CFAP20DC: variants seen among roughly 807,000 people sequenced by gnomAD.
The protein encoded by CFAP20DC is CFAP20 domain containing, also known as protein CFAP20DC.
In CFAP20DC, 84 loss-of-function variants were observed where a neutral mutation model predicts 101.7. That is an observed-to-expected ratio of 0.83 (90% CI 0.69 to 0.99). The LOEUF (loss-of-function observed/expected upper bound fraction) is 0.99. Ranked by LOEUF, CFAP20DC falls within the 50% of genes least tolerant of loss-of-function variation. CFAP20DC has a pLI of 0.00. For synonymous variants in CFAP20DC, 359 were observed against 351.2 expected (o/e 1.02, Z -0.25); for missense variants, 1,007 against 970.3 (o/e 1.04, Z -0.50).
At chr3:58,731,584 G>A (rs1247169375) in intron 3 of CFAP20DC, among the ~76,000 whole-genome samples, 2 of 152,184 alleles carry the variant, frequency 1.3e-5, no homozygotes, top group Admixed American at 1.3e-4. Context: ...TGCATGCCAC[G>A]TCTAATGTTT....
rs2079512627 is a variant in CFAP20DC at position 58,864,433 on chromosome 3, T to G, written c.1259-541A>C. ...AACTCATTTGCACTTCCTCTCCATT[T>G]GAGTTGAAACACTGACCAGGAAATT... On this transcript the variant is annotated intron_variant, in intron 11 of 16. Transcript: ENST00000482387. The surrounding 1 kb of genome is among the most constrained non-coding windows in gnomAD (Gnocchi z 4.7). 6.6e-6 allele frequency among the ~76,000 whole-genome samples: 1 copy of G among 152,216 alleles called. No individual in the cohort carries two copies. Among genetic ancestry groups the G allele is most frequent in the African/African-American group, 2.4e-5 (1 of 41,460 alleles).
intron 13 of CFAP20DC, among the ~76,000 whole-genome samples, chr3:58,845,182 T>C (rs2077512460): frequency 6.7e-6 from 1 of 149,996 alleles, no homozygotes; most frequent in Non-Finnish European, 1.5e-5. Flanking sequence ...CTGAAGGAAA[T>C]AGAGACACAA....
At chr3:58,792,381 T>G (rs561159332) in intron 15 of CFAP20DC, among the ~76,000 whole-genome samples, 42 of 152,230 alleles carry the variant, frequency 2.8e-4, no homozygotes, top group African/African-American at 9.9e-4. Flanking sequence ...ATTGGTGAAT[T>G]GGGAGAAGAG....
At chr3:58,833,542 G>A (rs2076539338) in intron 13 of CFAP20DC, among the ~76,000 whole-genome samples, 1 of 152,064 alleles carries the variant, frequency 6.6e-6, no homozygotes, top group East Asian at 1.9e-4. Flanking sequence ...ACACCCATTA[G>A]GATGGTTACA....
rs1361787419 is a variant in CFAP20DC at position 58,742,454 on chromosome 3, G to A, written c.*6C>T. 6.3e-7 allele frequency: 1 copy of A among 1,590,946 alleles called. No homozygotes were observed. The highest frequency in any genetic ancestry group is 8.6e-7 in the Non-Finnish European group (1 of 1,168,484). Reference sequence around the variant, plus strand: ...GAGTGCCTGCTCTCTGCCCCGGAAGGAGGCATTATACCAACTCATAGTATT... The same window carrying A: ...GAGTGCCTGCTCTCTGCCCCGGAAGAAGGCATTATACCAACTCATAGTATT... On this transcript the variant is annotated 3_prime_UTR_variant, in exon 17 of 17. Coordinates refer to ENST00000482387, the MANE Select transcript of CFAP20DC (RefSeq NM_001394063.1).
At chr3:58,844,757 G>T (rs1424146814) in intron 13 of CFAP20DC, among the ~76,000 whole-genome samples, 4 of 133,416 alleles carry the variant, frequency 3.0e-5, no homozygotes, top group East Asian at 2.4e-4. Flanking sequence ...ACCACATACT[G>T]GGAAGTAAAG....
intron 7 of CFAP20DC, among the ~76,000 whole-genome samples, chr3:58,872,930 T>C (rs2080362774): frequency 1.3e-5 from 2 of 149,726 alleles, no homozygotes; most frequent in African/African-American, 5.0e-5. Context: ...TTCTGGATAC[T>C]GTCAGGCAGG....
intron 4 of CFAP20DC, among the ~76,000 whole-genome samples, chr3:58,995,290 C>T (rs1171338106): frequency 9.2e-5 from 14 of 151,378 alleles, no homozygotes; most frequent in African/African-American, 3.2e-4. Flanking sequence ...TCTCCTGCAA[C>T]TGAAAAATTC....
chr3:58,843,165 A>G (rs1446754147), intron 13 of CFAP20DC, among the ~76,000 whole-genome samples: 1 of 152,218 alleles, frequency 6.6e-6, no homozygotes, highest in Non-Finnish European at 1.5e-5. Flanking sequence ...TGGATGGAGA[A>G]TGACTTTGAT....
rs1338392616 is a variant in CFAP20DC at position 58,795,734 on chromosome 3, T to C, written c.2237+10661A>G. Among the ~76,000 whole-genome samples, 2 of 152,170 alleles carry C rather than the reference T, an allele frequency of 1.3e-5. No individual in the cohort carries two copies. Among genetic ancestry groups the C allele is most frequent in the Non-Finnish European group, 2.9e-5 (2 of 68,004 alleles). ...TGGGAGGTGAGGGGAGAAGATGTGA[T>C]CTATTGTTCTGAAACTCCTAGGGGA... On this transcript the variant is annotated intron_variant, in intron 15 of 16. Coordinates refer to ENST00000482387, the MANE Select transcript of CFAP20DC (RefSeq NM_001394063.1). The surrounding 1 kb of genome is among the most constrained non-coding windows in gnomAD (Gnocchi z 4.2).
intron 14 of CFAP20DC, among the ~76,000 whole-genome samples, chr3:58,826,468 C>T (rs1343472928): frequency 2.6e-5 from 4 of 152,128 alleles, no homozygotes; most frequent in Non-Finnish European, 5.9e-5. Flanking sequence ...CCCCTACACT[C>T]CGACGGGCAC....
intron 4 of CFAP20DC, among the ~76,000 whole-genome samples, chr3:59,028,893 C>G (rs1425059479): frequency 6.6e-6 from 1 of 152,146 alleles, no homozygotes; most frequent in Non-Finnish European, 1.5e-5. Flanking sequence ...AGTATTATTA[C>G]TCTCACCCCA....
rs1321780878 is a variant in CFAP20DC at position 58,729,323 on chromosome 3, GATTT to G, written c.198-11699_198-11696del. ...TTTAAAATTAATTAGATTTTTATTAGATTTATTTCTAGGTATTTGATGTTCTTTG... is the reference window on the plus strand; with the variant it reads ...TTTAAAATTAATTAGATTTTTATTAGATTTCTAGGTATTTGATGTTCTTTG... On this transcript the variant is annotated intron_variant, in intron 3 of 3. Coordinates refer to the CFAP20DC transcript ENST00000486145. The surrounding 1 kb of genome is among the most constrained non-coding windows in gnomAD (Gnocchi z 4.4). 6.6e-6 allele frequency among the ~76,000 whole-genome samples: 1 copy of G among 152,048 alleles called. No individual in the cohort carries two copies. Among genetic ancestry groups the G allele is most frequent in the African/African-American group, 2.4e-5 (1 of 41,404 alleles).
chr3:58,762,551 T>C (rs528628649), intron 15 of CFAP20DC, among the ~76,000 whole-genome samples: 3,825 of 152,244 alleles, frequency 0.025, 162 homozygotes, highest in African/African-American at 0.085. Flanking sequence ...AAGGTTAATA[T>C]TGTTATGTGT....
At position 58,728,134 on chromosome 3, in the gene CFAP20DC, T is replaced by G. The variant is rs748384189; in HGVS notation, c.198-10506A>C. 1.3e-5 allele frequency: 2 copies of G among 152,218 alleles called. No homozygotes were observed. Among genetic ancestry groups the G allele is most frequent in the Non-Finnish European group, 2.9e-5 (2 of 68,030 alleles). 9.4% of individuals were successfully genotyped at this position (152,218 alleles called of 1,614,324 possible). ...GCATGGTATTGCATTTTGGTGAGCA[T>G]GTGCTGCATAAACAGAAAGTAGAAA... On this transcript the variant is annotated intron_variant, in intron 3 of 3. Transcript: ENST00000486145. The surrounding 1 kb of genome is among the most constrained non-coding windows in gnomAD (Gnocchi z 4.7).
chr3:58,992,006 T>C (rs1024438715), intron 4 of CFAP20DC, among the ~76,000 whole-genome samples: 5 of 152,246 alleles, frequency 3.3e-5, no homozygotes, highest in African/African-American at 1.2e-4. Flanking sequence ...ACTATTGTTA[T>C]TAAGTTCTAC....
intron 4 of CFAP20DC, among the ~76,000 whole-genome samples, chr3:58,979,855 C>T (rs184557315): frequency 1.1e-3 from 173 of 150,944 alleles, no homozygotes; most frequent in Non-Finnish European, 1.7e-3. Flanking sequence ...TAACAAAAAT[C>T]CATTTGAAGG....
intron 4 of CFAP20DC, among the ~76,000 whole-genome samples, chr3:58,977,830 AC>A (rs1294843507): frequency 6.6e-6 from 1 of 151,906 alleles, no homozygotes; most frequent in African/African-American, 2.4e-5. Context: ...GCAGCCTCAC[AC>A]CTTCCGTGTT....
At chr3:58,947,705 A>T (rs2089541997) in intron 4 of CFAP20DC, among the ~76,000 whole-genome samples, 2 of 152,214 alleles carry the variant, frequency 1.3e-5, no homozygotes, top group African/African-American at 4.8e-5. Flanking sequence ...CGTCTTTAGG[A>T]AGCACATCTC....
Sources: gnomAD v4.1 joint callset for allele counts (sites outside exome capture counted in the v4.1 genomes callset) on GRCh38, gnomAD v4.1.1 for gene constraint, Gnocchi (gnomAD v3.1) non-coding constraint, MANE v1.5 for transcripts, NCBI Gene and HGNC (gene_info 2026-07-23, HGNC 2026-07-21) for gene names.